NKAIN3: variants seen among roughly 807,000 people sequenced by gnomAD.
NKAIN3 encodes the protein sodium/potassium transporting ATPase interacting 3, also known as sodium/potassium-transporting ATPase subunit beta-1-interacting protein 3.
In NKAIN3, 25 loss-of-function variants were observed where a neutral mutation model predicts 30.2. The ratio of observed to expected loss-of-function variants is 0.83; its 90% CI spans 0.60 to 1.16. The LOEUF (loss-of-function observed/expected upper bound fraction) is 1.16, where lower values mean the gene tolerates loss of function less well. Among genes scored for constraint, NKAIN3 ranks in the 50% most tolerant of loss-of-function variants. The pLI, the probability that NKAIN3 is intolerant of heterozygous loss-of-function variation, is 0.00. For synonymous variants in NKAIN3, 91 were observed against 89.6 expected (o/e 1.02, Z -0.09); for missense variants, 225 against 254.1 (o/e 0.89, Z 0.78).
chr8:62,790,844 T>C (rs922423541), intron 4 of NKAIN3, among the ~76,000 whole-genome samples: 1 of 152,012 alleles, frequency 6.6e-6, no homozygotes, highest in African/African-American at 2.4e-5. Context: ...AACAGGGAGA[T>C]TCGGCTTAGC....
At chr8:62,570,555 C>T (rs827692) in intron 1 of NKAIN3, among the ~76,000 whole-genome samples, 52,516 of 151,780 alleles carry the variant, frequency 0.35, 9,321 homozygotes, top group African/African-American at 0.43. Flanking sequence ...AGGGAAACTC[C>T]CATTTTTAAA....
At chr8:62,629,452 T>C (rs1330572811) in intron 3 of NKAIN3, among the ~76,000 whole-genome samples, 2 of 152,120 alleles carry the variant, frequency 1.3e-5, no homozygotes, top group African/African-American at 4.8e-5. Context: ...GTGAACACAA[T>C]GAACAATGCT....
chr8:62,251,582 G>A (rs1192076803), intron 1 of NKAIN3, among the ~76,000 whole-genome samples: 2 of 152,098 alleles, frequency 1.3e-5, no homozygotes, highest in East Asian at 3.8e-4. Flanking sequence ...AAGATTCTTG[G>A]CTGAATTGGA....
At chr8:62,462,609 AT>A (rs1563409676) in intron 1 of NKAIN3, among the ~76,000 whole-genome samples, 1 of 152,088 alleles carries the variant, frequency 6.6e-6, no homozygotes, top group East Asian at 1.9e-4. Context: ...CCTGGGCTGC[AT>A]TTTTTGCCTG....
chr8:62,701,833 T>C (rs1814346695), intron 3 of NKAIN3, among the ~76,000 whole-genome samples: 1 of 152,196 alleles, frequency 6.6e-6, no homozygotes, highest in Admixed American at 6.5e-5. Context: ...CTGTCTTGCA[T>C]GGCCATTTGG....
At chr8:62,349,085 A>G (rs1473598509) in intron 1 of NKAIN3, among the ~76,000 whole-genome samples, 1 of 152,226 alleles carries the variant, frequency 6.6e-6, no homozygotes, top group African/African-American at 2.4e-5. Context: ...ATCATTTAAA[A>G]ATAACTCCAT....
chr8:62,286,398 A>T (rs910536779), intron 1 of NKAIN3, among the ~76,000 whole-genome samples: 2 of 152,048 alleles, frequency 1.3e-5, no homozygotes, highest in African/African-American at 4.8e-5. Context: ...TTTTTTTTTA[A>T]ATGAACAGTG....
intron 4 of NKAIN3, among the ~76,000 whole-genome samples, chr8:62,766,242 G>C (rs1053621424): frequency 6.6e-6 from 1 of 152,100 alleles, no homozygotes; most frequent in Admixed American, 6.5e-5. Flanking sequence ...ATCAAGTAAC[G>C]TAATAACTAC....
chr8:62,474,601 A>G (rs986832558), intron 1 of NKAIN3, among the ~76,000 whole-genome samples: 3 of 152,242 alleles, frequency 2.0e-5, no homozygotes, highest in African/African-American at 7.2e-5. Flanking sequence ...AAGATAGAAC[A>G]AAACCTTTTA....
chr8:62,400,558 G>A (rs886702305), intron 1 of NKAIN3, among the ~76,000 whole-genome samples: 6 of 152,038 alleles, frequency 3.9e-5, no homozygotes, highest in Non-Finnish European at 5.9e-5. Context: ...CATTGACAAG[G>A]GGAGTGTCCT....
At chr8:62,872,438 A>G (rs1324840435) in intron 4 of NKAIN3, among the ~76,000 whole-genome samples, 1 of 152,200 alleles carries the variant, frequency 6.6e-6, no homozygotes, top group Non-Finnish European at 1.5e-5. Context: ...CATCTAGGGT[A>G]TGTAAAGCTC....
At chr8:62,869,983 G>A (rs1820547914) in intron 4 of NKAIN3, among the ~76,000 whole-genome samples, 1 of 151,618 alleles carries the variant, frequency 6.6e-6, no homozygotes, top group Non-Finnish European at 1.5e-5. Flanking sequence ...TGTTAGCCAA[G>A]ATGGTCTCGA....
intron 3 of NKAIN3, among the ~76,000 whole-genome samples, chr8:62,596,032 A>C (rs983823484): frequency 6.6e-6 from 1 of 152,048 alleles, no homozygotes; most frequent in East Asian, 1.9e-4. Flanking sequence ...GGCCCTGACT[A>C]TATGCTTGAT....
chr8:62,556,744 T>G (rs1054344025), intron 1 of NKAIN3, among the ~76,000 whole-genome samples: 1 of 151,940 alleles, frequency 6.6e-6, no homozygotes, highest in Non-Finnish European at 1.5e-5. Flanking sequence ...TATAGCCATT[T>G]TGAACTTATA....
intron 1 of NKAIN3, among the ~76,000 whole-genome samples, chr8:62,534,616 A>G (rs942254255): frequency 6.6e-6 from 1 of 152,164 alleles, no homozygotes; most frequent in Non-Finnish European, 1.5e-5. Context: ...AAGGGCCTCA[A>G]TGGCTCGCTA....
intron 4 of NKAIN3, among the ~76,000 whole-genome samples, chr8:62,878,597 G>A (rs2130810412): frequency 6.6e-6 from 1 of 151,934 alleles, no homozygotes; most frequent in East Asian, 1.9e-4. Flanking sequence ...GTGCCATGTT[G>A]GTGTGCTGCT....
At chr8:62,687,306 T>C (rs1016164021) in intron 3 of NKAIN3, among the ~76,000 whole-genome samples, 1 of 152,230 alleles carries the variant, frequency 6.6e-6, no homozygotes, top group Non-Finnish European at 1.5e-5. Flanking sequence ...TTGGTTAGTC[T>C]TCAGGCTTCA....
At chr8:62,591,341 T>C (rs1290081653) in intron 3 of NKAIN3, among the ~76,000 whole-genome samples, 1 of 151,890 alleles carries the variant, frequency 6.6e-6, no homozygotes, top group Non-Finnish European at 1.5e-5. Flanking sequence ...AGGCAAATCC[T>C]TTGGCTCCAT....
chr8:62,637,835 T>C (rs1812181941), intron 3 of NKAIN3, among the ~76,000 whole-genome samples: 1 of 151,952 alleles, frequency 6.6e-6, no homozygotes, highest in Non-Finnish European at 1.5e-5. Context: ...CACAGGAACA[T>C]GTAAGGTCAG....
Sources: gnomAD v4.1 joint callset for allele counts (sites outside exome capture counted in the v4.1 genomes callset) on GRCh38, gnomAD v4.1.1 for gene constraint, MANE v1.5 for transcripts, NCBI Gene and HGNC (gene_info 2026-07-23, HGNC 2026-07-21) for gene names.